The following ZFHX3 variants were observed in gnomAD, a reference collection of about 807,000 sequenced individuals.
The protein encoded by ZFHX3 is zinc finger homeobox 3.
ZFHX3 carries 42 observed loss-of-function variants against 279.1 expected under a neutral mutation model. The observed-to-expected ratio is 0.15, with a 90% CI of 0.12 to 0.19. The LOEUF (loss-of-function observed/expected upper bound fraction) is 0.19. ZFHX3 is among the 10% of genes least tolerant of loss of function. ZFHX3 has a pLI of 1.00. For synonymous variants in ZFHX3, 2,293 were observed against 1,957.8 expected (o/e 1.17, Z -4.52); for missense variants, 4,981 against 4,754.0 (o/e 1.05, Z -1.40).
rs115320557 is a variant in ZFHX3, at chr16:73,764,824, C to T, written c.-1607-84584G>A. On this transcript the variant is annotated intron_variant, in intron 1 of 17. Coordinates refer to the ZFHX3 transcript ENST00000641206. ...TGAGCCTAAGCCACCCTGCTTCTCC[C>T]TAAATTCATCTCCATCTCCAGCTCT... Among the ~76,000 whole-genome samples the T allele has an allele frequency of 8.9e-3, 1,354 of 152,324 alleles. 25 individuals are homozygous for T. Among genetic ancestry groups the T allele is most frequent in the African/African-American group, 0.03 (1,260 of 41,574 alleles).
At chr16:73,042,215 C>A (rs1000532508) in intron 1 of ZFHX3, among the ~76,000 whole-genome samples, 4 of 152,138 alleles carry the variant, frequency 2.6e-5, no homozygotes, top group African/African-American at 9.7e-5. Context: ...GGGCTGAGAT[C>A]AACTATCAGA....
intron 3 of ZFHX3, among the ~76,000 whole-genome samples, chr16:72,939,133 G>C (rs1269653614): frequency 2.6e-5 from 4 of 152,200 alleles, no homozygotes; most frequent in Non-Finnish European, 4.4e-5. Context: ...TAGAGGGGAA[G>C]TATAGAAGAC....
At chr16:73,462,479 C>A (rs1371408633) in intron 2 of ZFHX3, among the ~76,000 whole-genome samples, 1 of 152,110 alleles carries the variant, frequency 6.6e-6, no homozygotes, top group African/African-American at 2.4e-5. Context: ...AGTGGACATC[C>A]TTGCCTTGTT....
chr16:73,418,606 GC>G (rs1322200670), intron 3 of ZFHX3, among the ~76,000 whole-genome samples: 2 of 152,222 alleles, frequency 1.3e-5, no homozygotes, highest in Non-Finnish European at 2.9e-5. Flanking sequence ...CAACAGCTTA[GC>G]CCTGCCTTCC....
intron 2 of ZFHX3, among the ~76,000 whole-genome samples, chr16:73,632,353 G>C (rs967523633): frequency 6.6e-6 from 1 of 152,116 alleles, no homozygotes; most frequent in Non-Finnish European, 1.5e-5. Context: ...AGAGATAGGT[G>C]CCTGGCCTTA....
At position 73,682,894 on chromosome 16, in the gene ZFHX3, G is replaced by GA. The variant is rs747923011; in HGVS notation, c.-1607-2655dup. Among the ~76,000 whole-genome samples the GA allele has an allele frequency of 4.0e-3, 165 of 41,076 alleles. 6 individuals are homozygous for GA. Among genetic ancestry groups the GA allele is most frequent in the African/African-American group, 0.016 (156 of 9,766 alleles). 26.9% of individuals were successfully genotyped at this position (41,076 alleles called of 152,430 possible). ...AGAAAGAAAGAAAGAAAGAAAGAAA[G>GA]AAAGAAAGAAAGAGAAAGAAAGAGA... is the stretch of plus-strand genomic sequence containing the variant. On this transcript the variant is annotated intron_variant, in intron 1 of 17. Transcript: ENST00000641206.
intron 1 of ZFHX3, among the ~76,000 whole-genome samples, chr16:73,872,918 G>A (rs1249148655): frequency 2.8e-4 from 1 of 3,632 alleles, no homozygotes; most frequent in Non-Finnish European, 5.4e-4. Flanking sequence ...GCAGTGGATG[G>A]TGGTGGGTGG....
At chr16:73,497,900 T>C (rs2019168820) in intron 2 of ZFHX3, among the ~76,000 whole-genome samples, 1 of 152,226 alleles carries the variant, frequency 6.6e-6, no homozygotes, top group Non-Finnish European at 1.5e-5. Context: ...AGAGCTTAAA[T>C]TGCTTATCCT....
intron 5 of ZFHX3, among the ~76,000 whole-genome samples, chr16:73,222,334 A>G (rs1353711032): frequency 6.6e-6 from 1 of 152,100 alleles, no homozygotes; most frequent in East Asian, 1.9e-4. Flanking sequence ...AAAATCAACA[A>G]AAAGCCCTCC....
Position 72,788,544 on chromosome 16 carries a change from T to G in ZFHX3, c.9732A>C (p.Glu3244Asp). The G allele has an allele frequency of 6.2e-7, 1 of 1,614,188 alleles. No homozygotes were observed. The highest frequency in any genetic ancestry group is 8.5e-7 in the Non-Finnish European group (1 of 1,180,042). Reference protein sequence around the residue: ...DKDSEKVKEKEKAHKGKGEPL... With the variant: ...DKDSEKVKEKDKAHKGKGEPL... ...GTTCCCCTTTCCCTTTGTGTGCCTT[T>G]TCCTTCTCCTTTACTTTCTCACTGT... The change falls in exon 10 of 10, where the codon GAA (glutamate) becomes GAC (aspartate). Residue 3244 changes from glutamate to aspartate, a missense_variant. Physicochemically the swap from Glu to Asp is conservative, Grantham distance 45. Coordinates refer to ENST00000268489, the MANE Select transcript of ZFHX3 (RefSeq NM_006885.4).
intron 8 of ZFHX3, among the ~76,000 whole-genome samples, chr16:73,091,211 G>A (rs1294399366): frequency 4.8e-5 from 7 of 145,374 alleles, no homozygotes; most frequent in African/African-American, 1.1e-4. Context: ...ACTCCGTCTC[G>A]GAAAAAAAAA....
intron 1 of ZFHX3, among the ~76,000 whole-genome samples, chr16:73,787,678 C>A (rs1959688795): frequency 6.6e-6 from 1 of 152,096 alleles, no homozygotes; most frequent in East Asian, 1.9e-4. Context: ...CAGGGGCTTG[C>A]CGCCTTGAAT....
chr16:73,814,214 C>A (rs1960501646), intron 1 of ZFHX3, among the ~76,000 whole-genome samples: 4 of 152,070 alleles, frequency 2.6e-5, no homozygotes, highest in South Asian at 2.1e-4. Context: ...GAGTTACTTC[C>A]TCTCCCACCC....
chr16:73,644,911 A>T (rs1171159687), intron 2 of ZFHX3, among the ~76,000 whole-genome samples: 1 of 152,156 alleles, frequency 6.6e-6, no homozygotes, highest in Non-Finnish European at 1.5e-5. Context: ...TTCTTCATAG[A>T]AGCCACAGCA....
At position 72,796,011 on chromosome 16, in the gene ZFHX3, A is replaced by G. The variant is rs749321244; in HGVS notation, c.6671T>C (p.Ile2224Thr). 17 of 1,614,050 alleles carry G rather than the reference A, an allele frequency of 1.1e-5. No homozygotes were observed. The Admixed American group carries it at 2.0e-4, about 19-fold the overall frequency. ...TTCCGGCGAAGGGGGCCGGGAGTCAATCTTGAGCTCCTCCAGGCTGGTGAT... is the reference window on the plus strand; with the variant it reads ...TTCCGGCGAAGGGGGCCGGGAGTCAGTCTTGAGCTCCTCCAGGCTGGTGAT... ...PPITSLEELKIDSRPPSPEPP... is the reference protein window; with the variant it reads ...PPITSLEELKTDSRPPSPEPP... The change falls in exon 9 of 10, where the codon ATT becomes ACT. Residue 2224 changes from isoleucine (I) to threonine (T), a missense_variant. Physicochemically the swap from Ile to Thr is moderately conservative, Grantham distance 89 (BLOSUM62 -1). Transcript: ENST00000268489.
chr16:73,337,185 A>G (rs143482508), intron 3 of ZFHX3, among the ~76,000 whole-genome samples: 1 of 152,190 alleles, frequency 6.6e-6, no homozygotes, highest in East Asian at 1.9e-4. Flanking sequence ...CTTATCCTTC[A>G]TGGCTGTGTG....
At chr16:73,153,237 C>T (rs1201760745) in intron 5 of ZFHX3, among the ~76,000 whole-genome samples, 8 of 152,178 alleles carry the variant, frequency 5.3e-5, no homozygotes, top group Non-Finnish European at 1.0e-4. Context: ...ATGTAAGAAT[C>T]ATCTTCGATA....
chr16:73,872,109 A>G (rs1424165485), intron 1 of ZFHX3, among the ~76,000 whole-genome samples: 1 of 152,226 alleles, frequency 6.6e-6, no homozygotes, highest in African/African-American at 2.4e-5. Flanking sequence ...TTAGTGACCC[A>G]ATAATCTCGA....
At chr16:73,731,398 G>A (rs1420053111) in intron 1 of ZFHX3, among the ~76,000 whole-genome samples, 5 of 151,930 alleles carry the variant, frequency 3.3e-5, no homozygotes. Flanking sequence ...GGGCGTGGAG[G>A]TAGGACAGAA....
Sources: gnomAD v4.1 joint callset for allele counts (sites outside exome capture counted in the v4.1 genomes callset) on GRCh38, gnomAD v4.1.1 for gene constraint, MANE v1.5 for transcripts, NCBI Gene and HGNC (gene_info 2026-07-23, HGNC 2026-07-21) for gene names.